Variants in MCTP1 observed in about 807,000 individuals in gnomAD.
MCTP1 encodes multiple C2 and transmembrane domain containing 1, also known as multiple C2 and transmembrane domain-containing protein 1.
MCTP1 carries 69 observed loss-of-function variants against 120.6 expected under a neutral mutation model. That is an observed-to-expected ratio of 0.57 (90% CI 0.47 to 0.70). The LOEUF (loss-of-function observed/expected upper bound fraction) is 0.70, where lower values mean the gene tolerates loss of function less well. Among genes scored for constraint, MCTP1 ranks in the 30% least tolerant of loss-of-function variants. MCTP1 has a pLI of 0.00. For missense variants in MCTP1, 1,203 were observed against 1,248.8 expected, an observed-to-expected ratio of 0.96 and a Z score of 0.55; for synonymous variants, 529 against 493.1, an observed-to-expected ratio of 1.07 and a Z score of -0.96.
At chr5:94,914,652 G>C (rs552398232) in intron 8 of MCTP1, among the ~76,000 whole-genome samples, 2 of 152,182 alleles carry the variant, frequency 1.3e-5, no homozygotes, top group Non-Finnish European at 2.9e-5. Context: ...TGAGCTTCAA[G>C]AGCAGCATTC....
chr5:94,742,283 G>A (rs186366422), intron 19 of MCTP1, among the ~76,000 whole-genome samples: 50 of 152,154 alleles, frequency 3.3e-4, no homozygotes, highest in African/African-American at 9.6e-4. Context: ...TCAAACTCTC[G>A]GGTATAAGTG....
intron 17 of MCTP1, among the ~76,000 whole-genome samples, chr5:94,843,337 G>A (rs1451171468): frequency 6.6e-6 from 1 of 152,106 alleles, no homozygotes; most frequent in African/African-American, 2.4e-5. Flanking sequence ...ACATAGAGTG[G>A]TTTTTTGAGG....
At chr5:95,016,204 A>G (rs985982733) in intron 2 of MCTP1, among the ~76,000 whole-genome samples, 1 of 151,928 alleles carries the variant, frequency 6.6e-6, no homozygotes, top group African/African-American at 2.4e-5. Flanking sequence ...TTTTGTAGAG[A>G]CAAGCTCTCA....
At chr5:94,980,270 A>T (rs903670096) in intron 2 of MCTP1, among the ~76,000 whole-genome samples, 1 of 152,136 alleles carries the variant, frequency 6.6e-6, no homozygotes, top group African/African-American at 2.4e-5. Flanking sequence ...TCATCTTCCC[A>T]CTTTCCAATG....
chr5:95,198,136 T>C (rs1208037641), intron 1 of MCTP1, among the ~76,000 whole-genome samples: 1 of 152,128 alleles, frequency 6.6e-6, no homozygotes, highest in African/African-American at 2.4e-5. Flanking sequence ...TGTGTGTGTA[T>C]ATATACATAT....
At chr5:94,798,944 A>T (rs1462069529) in intron 18 of MCTP1, 69 bp downstream of exon 18, 3 of 1,518,264 alleles carry the variant, frequency 2.0e-6, no homozygotes, top group Non-Finnish European at 2.7e-6. Flanking sequence ...GCCAAATTCA[A>T]TGTTGATCTT....
intron 10 of MCTP1, 52 bp downstream of exon 10, chr5:94,909,199 C>T: frequency 6.3e-7 from 1 of 1,581,162 alleles, no homozygotes; most frequent in Non-Finnish European, 8.6e-7. Context: ...AGCAAATATT[C>T]TTTTAATAAA....
intron 2 of MCTP1, among the ~76,000 whole-genome samples, chr5:94,994,460 T>C (rs1000493076): frequency 1.3e-5 from 2 of 152,166 alleles, no homozygotes; most frequent in African/African-American, 4.8e-5. Flanking sequence ...TTTGGCTACA[T>C]TTGTAGTTTG....
At chr5:95,189,882 C>T (rs543342041) in intron 1 of MCTP1, among the ~76,000 whole-genome samples, 1 of 152,218 alleles carries the variant, frequency 6.6e-6, no homozygotes, top group Non-Finnish European at 1.5e-5. Context: ...ATCATATCCT[C>T]CCTTGACTAT....
chr5:94,825,746 T>C (rs941787647), intron 17 of MCTP1, among the ~76,000 whole-genome samples: 3 of 151,922 alleles, frequency 2.0e-5, no homozygotes, highest in Non-Finnish European at 2.9e-5. Context: ...CATATATATA[T>C]ATACATACAT....
intron 1 of MCTP1, among the ~76,000 whole-genome samples, chr5:95,188,383 G>A (rs1277498695): frequency 6.6e-6 from 1 of 152,170 alleles, no homozygotes; most frequent in Non-Finnish European, 1.5e-5. Flanking sequence ...ATCACCATAT[G>A]ACCCAGCAAT....
intron 17 of MCTP1, among the ~76,000 whole-genome samples, chr5:94,862,874 C>T (rs542118171): frequency 6.6e-6 from 1 of 151,898 alleles, no homozygotes; most frequent in African/African-American, 2.4e-5. Flanking sequence ...ATTGGGTGCA[C>T]AATCTATTTA....
chr5:94,988,434 T>G (rs980528454), intron 2 of MCTP1, among the ~76,000 whole-genome samples: 1 of 152,190 alleles, frequency 6.6e-6, no homozygotes, highest in African/African-American at 2.4e-5. Flanking sequence ...TCCTATTGTA[T>G]TCAAAGACTG....
At chr5:95,180,465 C>A (rs1748476654) in intron 1 of MCTP1, among the ~76,000 whole-genome samples, 1 of 151,816 alleles carries the variant, frequency 6.6e-6, no homozygotes, top group Admixed American at 6.6e-5. Context: ...AAGCTGAAAG[C>A]TTCCTCCTTC....
In MCTP1 at chr5:94,748,904, GCCA is replaced by G. The variant is rs1447519541; in HGVS notation, c.2610+30203_2610+30205del. Among the ~76,000 whole-genome samples the G allele has an allele frequency of 2.6e-5, 4 of 151,416 alleles. No homozygotes were observed. The East Asian group carries it at 7.8e-4, about 29-fold the overall frequency. On this transcript the variant is annotated intron_variant, in intron 19 of 22. Coordinates refer to ENST00000515393, the MANE Select transcript of MCTP1 (RefSeq NM_024717.7). The stretch of plus-strand genomic sequence containing the variant: ...CACGGTGGACTGACTACACAGACTG[GCCA>G]CCGTCTGCAATAGCGCTCAATGCAA...
chr5:95,230,647 T>C (rs1284162630), intron 1 of MCTP1, among the ~76,000 whole-genome samples: 3 of 152,216 alleles, frequency 2.0e-5, no homozygotes, highest in East Asian at 1.9e-4. Context: ...AGTCAGACCT[T>C]GGCAATGACC....
At chr5:94,824,637 G>C (rs1786535385) in intron 17 of MCTP1, among the ~76,000 whole-genome samples, 1 of 152,144 alleles carries the variant, frequency 6.6e-6, no homozygotes, top group South Asian at 2.1e-4. Context: ...TGTACCTCTG[G>C]TAGAATTCAG....
intron 1 of MCTP1, among the ~76,000 whole-genome samples, chr5:95,155,742 T>G (rs1186668737): frequency 2.0e-5 from 3 of 152,200 alleles, no homozygotes; most frequent in Non-Finnish European, 2.9e-5. Context: ...GTCAGAATTC[T>G]AAGAGGGCCC....
At chr5:95,069,814 T>G (rs918642809) in intron 1 of MCTP1, among the ~76,000 whole-genome samples, 1 of 151,656 alleles carries the variant, frequency 6.6e-6, no homozygotes, top group Non-Finnish European at 1.5e-5. Context: ...TTCTCCTGCC[T>G]CAGCCTCCTG....
Sources: gnomAD v4.1 joint callset for allele counts (sites outside exome capture counted in the v4.1 genomes callset) on GRCh38, gnomAD v4.1.1 for gene constraint, MANE v1.5 for transcripts, NCBI Gene and HGNC (gene_info 2026-07-23, HGNC 2026-07-21) for gene names.